The following SWAP70 variants were observed in gnomAD, a reference collection of about 807,000 sequenced individuals.
SWAP70 encodes switching B cell complex subunit SWAP70, also known as switch-associated protein 70.
SWAP70 carries 34 observed loss-of-function variants against 80.2 expected under a neutral mutation model. The ratio of observed to expected loss-of-function variants is 0.42; its 90% confidence interval spans 0.32 to 0.56. SWAP70 has a LOEUF of 0.56. Ranked by LOEUF, SWAP70 falls within the 20% of genes least tolerant of loss-of-function variation. The pLI is 0.09. For synonymous variants in SWAP70, 239 were observed against 238.5 expected (o/e 1.00, Z -0.02); for missense variants, 578 against 690.7 (o/e 0.84, Z 1.83).
chr11:9,740,041 A>T, intron 8 of SWAP70, 140 bp from the exon 9 acceptor site: 1 of 683,772 alleles, frequency 1.5e-6, no homozygotes, highest in Non-Finnish European at 2.5e-6. Context: ...CTCCATCTTT[A>T]AGTTCAAGGA....
intron 2 of SWAP70, among the ~76,000 whole-genome samples, chr11:9,712,862 A>G (rs1851016855): frequency 6.6e-6 from 1 of 150,898 alleles, no homozygotes; most frequent in South Asian, 2.1e-4. Flanking sequence ...ACGCCCGGCT[A>G]ATTTTTGTAT....
intron 2 of SWAP70, among the ~76,000 whole-genome samples, chr11:9,694,820 G>T (rs999880317): frequency 6.6e-5 from 10 of 152,128 alleles, no homozygotes; most frequent in African/African-American, 2.4e-4. Context: ...AGATGCTGGC[G>T]AGGCTGTGGA....
At chr11:9,741,547 A>C (rs373894) in intron 9 of SWAP70, 46,496 of 152,018 alleles carry the variant, frequency 0.31, 7,204 homozygotes, top group Middle Eastern at 0.47. Flanking sequence ...GAGCCACCTC[A>C]TAATTTGAGC....
chr11:9,748,390 C>G (rs1278497721), intron 10 of SWAP70, among the ~76,000 whole-genome samples: 2 of 152,228 alleles, frequency 1.3e-5, no homozygotes, highest in African/African-American at 2.4e-5. Context: ...GGCAGAGCAC[C>G]AGGGAGGGAG....
intron 3 of SWAP70, chr11:9,720,400 G>A (rs146890295): frequency 1.4e-5 from 14 of 985,390 alleles, no homozygotes; most frequent in South Asian, 9.4e-5. Context: ...ACTAATAGGC[G>A]CTTTCTGAGT....
At chr11:9,717,768 C>T (rs778427028) in intron 3 of SWAP70, among the ~76,000 whole-genome samples, 16 of 151,840 alleles carry the variant, frequency 1.1e-4, no homozygotes, top group Middle Eastern at 3.2e-3. Flanking sequence ...GGGTCTCTTA[C>T]CCTTGATGTT....
At chr11:9,717,596 G>A (rs2133799848) in intron 3 of SWAP70, among the ~76,000 whole-genome samples, 1 of 150,562 alleles carries the variant, frequency 6.6e-6, no homozygotes, top group Admixed American at 6.6e-5. Context: ...GGAGCTTGCA[G>A]TGAGCAGAGA....
At chr11:9,729,503 T>C (rs763928479) in intron 6 of SWAP70, 52 bp downstream of exon 6, 146 of 1,373,872 alleles carry the variant, frequency 1.1e-4, no homozygotes, top group Non-Finnish European at 1.4e-4. Context: ...GCTCTGACTT[T>C]CTTTTTTTTT....
intron 10 of SWAP70, among the ~76,000 whole-genome samples, chr11:9,748,646 C>T (rs2133821355): frequency 6.6e-6 from 1 of 152,324 alleles, no homozygotes; most frequent in South Asian, 2.1e-4. Context: ...AAAGTCCCTC[C>T]CTCCTCGTGT....
intron 3 of SWAP70, chr11:9,720,257 T>C: frequency 3.0e-6 from 3 of 985,400 alleles, no homozygotes; most frequent in Non-Finnish European, 3.6e-6. Context: ...CTAGATTAGT[T>C]GTCTGGCACA....
In SWAP70 at chr11:9,747,931, A is replaced by G; in HGVS notation, c.1429A>G (p.Thr477Ala). Residue 477 changes from threonine to alanine, a missense_variant, in exon 10 of 12, where the codon ACA becomes GCA. Thr to Ala is a moderately conservative substitution (Grantham distance 58, BLOSUM62 0). Coordinates refer to ENST00000318950, the MANE Select transcript of SWAP70 (RefSeq NM_015055.4). Reference protein sequence around the residue: ...WHLEQQQAIQTTEAEKQELEN... With the variant: ...WHLEQQQAIQATEAEKQELEN... ...CTTGGAGCAGCAGCAGGCCATTCAG[A>G]CAACCGAGGCGGAGAAGCAGGAGTT... 6.2e-7 allele frequency: 1 copy of G among 1,614,200 alleles called. No homozygotes were observed. Among genetic ancestry groups the G allele is most frequent in the South Asian group, 1.1e-5 (1 of 91,088 alleles).
chr11:9,709,163 G>A lies in SWAP70; in HGVS notation c.241-4303G>A, dbSNP rs566152852. ...CCCTCAGACAGAGTCTCACTTTGTCGCCCAGGCTGGAGTGCAGCAGCACAG... is the reference window on the plus strand; with the variant it reads ...CCCTCAGACAGAGTCTCACTTTGTCACCCAGGCTGGAGTGCAGCAGCACAG... On this transcript the variant is annotated intron_variant, in intron 2 of 11. Transcript: ENST00000318950. Among the ~76,000 whole-genome samples the A allele has an allele frequency of 4.4e-4, 66 of 151,472 alleles. 1 individual carries two copies. The highest frequency in any genetic ancestry group is 1.4e-3 in the African/African-American group (59 of 41,272).
chr11:9,712,382 A>G (rs1851009255), intron 2 of SWAP70, among the ~76,000 whole-genome samples: 1 of 152,176 alleles, frequency 6.6e-6, no homozygotes, highest in Admixed American at 6.5e-5. Context: ...GAACATTTTA[A>G]GAGCACAGAC....
chr11:9,672,199 A>G (rs866466899), intron 1 of SWAP70, among the ~76,000 whole-genome samples: 43 of 80,716 alleles, frequency 5.3e-4, no homozygotes, highest in Non-Finnish European at 7.6e-4. Flanking sequence ...GTGTGTCTAT[A>G]TATATATATA....
intron 8 of SWAP70, among the ~76,000 whole-genome samples, chr11:9,739,371 G>T (rs1162758494): frequency 6.6e-6 from 1 of 152,216 alleles, no homozygotes; most frequent in Non-Finnish European, 1.5e-5. Flanking sequence ...AGGCAAATGT[G>T]ATGTAGAGAA....
At chr11:9,671,707 C>T (rs1259740758) in intron 1 of SWAP70, among the ~76,000 whole-genome samples, 2 of 95,386 alleles carry the variant, frequency 2.1e-5, no homozygotes, top group African/African-American at 9.0e-5. Context: ...TCTATGTATA[C>T]ATAGAAATAT....
chr11:9,673,391 G>T (rs1422527890), intron 1 of SWAP70, among the ~76,000 whole-genome samples: 1 of 152,130 alleles, frequency 6.6e-6, no homozygotes, highest in Non-Finnish European at 1.5e-5. Flanking sequence ...ATGGAGTTGG[G>T]GTGCACTGCC....
chr11:9,730,777 A>G (rs1256911693), intron 6 of SWAP70, among the ~76,000 whole-genome samples: 1 of 152,236 alleles, frequency 6.6e-6, no homozygotes, highest in South Asian at 2.1e-4. Flanking sequence ...CCTTTAAAAA[A>G]AATTTCAACT....
chr11:9,711,119 G>T (rs942705312), intron 2 of SWAP70, among the ~76,000 whole-genome samples: 1 of 150,358 alleles, frequency 6.7e-6, no homozygotes, highest in African/African-American at 2.5e-5. Context: ...ATGAGGTCTT[G>T]CTATATTGCC....
Sources: gnomAD v4.1 joint callset for allele counts (sites outside exome capture counted in the v4.1 genomes callset) on GRCh38, gnomAD v4.1.1 for gene constraint, MANE v1.5 for transcripts, NCBI Gene and HGNC (gene_info 2026-07-23, HGNC 2026-07-21) for gene names.